Variants in GFRA3 observed in about 807,000 individuals in gnomAD.
GFRA3 encodes GDNF family receptor alpha-3.
GFRA3 carries 24 observed loss-of-function variants against 40.0 expected under a neutral mutation model. The ratio of observed to expected loss-of-function variants is 0.60; its 90% CI spans 0.43 to 0.84. The LOEUF (loss-of-function observed/expected upper bound fraction) is 0.84. GFRA3 is among the 40% of genes least tolerant of loss of function. The pLI is 0.00. For missense variants in GFRA3, 405 were observed against 530.6 expected (o/e 0.76, Z 2.33); for synonymous variants, 203 against 213.5 (o/e 0.95, Z 0.43).
At position 138,257,717 on chromosome 5, in the gene GFRA3, G is replaced by A. The variant is rs751618738; in HGVS notation, c.707C>T (p.Ala236Val). The A allele has an allele frequency of 1.3e-5, 21 of 1,610,530 alleles. No homozygotes were observed. The highest frequency in any genetic ancestry group is 1.7e-5 in the Admixed American group (1 of 59,284). ...CACAGGCGGCAGCGCGCAGTTGGGG[G>A]CGATGGTGTTGCGCCGGCGCTCCCC... ...GCGERRRNTI[A>V]PNCALPPVAP... The change falls in exon 4 of 8, where the codon GCC becomes GTC. Residue 236 changes from alanine to valine, a missense_variant. Physicochemically the swap from Ala to Val is moderately conservative, Grantham distance 64 (BLOSUM62 0). Transcript: ENST00000274721.
At chr5:138,261,650 C>T (rs753889431) in intron 2 of GFRA3, among the ~76,000 whole-genome samples, 4 of 143,040 alleles carry the variant, frequency 2.8e-5, no homozygotes, top group Middle Eastern at 3.6e-3. Flanking sequence ...GCCAATATCA[C>T]GCCACTGCAC....
At chr5:138,253,194 C>G in intron 7 of GFRA3, 93 bp downstream of exon 7, 1 of 906,224 alleles carries the variant, frequency 1.1e-6, no homozygotes, top group Non-Finnish European at 1.8e-6. Context: ...ATGAGGAGGT[C>G]AGCCCCTCGC....
chr5:138,258,394 C>T (rs2126613472), intron 3 of GFRA3, among the ~76,000 whole-genome samples: 1 of 152,062 alleles, frequency 6.6e-6, no homozygotes, highest in South Asian at 2.1e-4. Flanking sequence ...GTTAGCCAGG[C>T]TGGTCTTGAA....
intron 2 of GFRA3, among the ~76,000 whole-genome samples, chr5:138,262,382 C>T (rs946072177): frequency 2.6e-5 from 4 of 152,120 alleles, no homozygotes; most frequent in Non-Finnish European, 5.9e-5. Flanking sequence ...GGAAGAGGAC[C>T]CTTACAACAT....
At chr5:138,264,034 T>A (rs757233698) in intron 2 of GFRA3, among the ~76,000 whole-genome samples, 3 of 152,120 alleles carry the variant, frequency 2.0e-5, no homozygotes, top group African/African-American at 7.2e-5. Context: ...AAGTGGGAAC[T>A]GACATGTTGC....
At chr5:138,268,321 T>TAAAAAAAAAAAA (rs1554110910) in intron 1 of GFRA3, among the ~76,000 whole-genome samples, 1 of 80,660 alleles carries the variant, frequency 1.2e-5, no homozygotes. Flanking sequence ...GAACTGAAAC[T>TAAAAAAAAAAAA]ATAAAAATTA....
At chr5:138,265,450 T>C (rs974270557) in intron 1 of GFRA3, among the ~76,000 whole-genome samples, 1 of 152,152 alleles carries the variant, frequency 6.6e-6, no homozygotes, top group East Asian at 1.9e-4. Flanking sequence ...ACTCCTGACC[T>C]CGGGTAATCC....
At chr5:138,257,984 G>A (rs759306576) in intron 3 of GFRA3, 33 bp from the exon 4 acceptor site, 1 of 1,585,190 alleles carries the variant, frequency 6.3e-7, no homozygotes, top group Non-Finnish European at 8.7e-7. Flanking sequence ...CAGTCGGCTG[G>A]GCCCTCTGCA....
At position 138,257,832 on chromosome 5, in the gene GFRA3, T is replaced by C; in HGVS notation, c.592A>G (p.Arg198Gly). 1 of 1,613,798 alleles carries C rather than the reference T, an allele frequency of 6.2e-7. No individual in the cohort carries two copies. Among genetic ancestry groups the C allele is most frequent in the Non-Finnish European group, 8.5e-7 (1 of 1,179,884 alleles). ...TTCTCGAAGAAAGTGAGCAGCTGCC[T>C]GAGGCAGACGTGGCGCTGGCAGTGG... The part of the protein sequence containing the change: ...GPHCQRHVCL[R>G]QLLTFFEKAA... Residue 198 changes from arginine (R) to glycine (G), a missense_variant, in exon 4 of 8, where the codon AGG becomes GGG. Coordinates refer to ENST00000274721, the MANE Select transcript of GFRA3 (RefSeq NM_001496.4).
intron 3 of GFRA3, among the ~76,000 whole-genome samples, 192 bp downstream of exon 3, chr5:138,259,365 C>T (rs774554471): frequency 1.3e-5 from 2 of 152,198 alleles, no homozygotes; most frequent in Non-Finnish European, 2.9e-5. Flanking sequence ...TAACTGCTGT[C>T]CTTTGGAGAC....
Position 138,252,937 on chromosome 5 carries a change from T to C in GFRA3, c.*31A>G. On this transcript the variant is annotated 3_prime_UTR_variant, in exon 8 of 8. Coordinates refer to ENST00000274721, the MANE Select transcript of GFRA3 (RefSeq NM_001496.4). ...GGGCTGCAAGTCCACCTGGGTGTGG[T>C]GGAGGGGAAGAGGGCCCTGGGGAAG... The C allele has an allele frequency of 8.2e-7, 1 of 1,212,578 alleles. No individual in the cohort carries two copies. Among genetic ancestry groups the C allele is most frequent in the South Asian group, 1.2e-5 (1 of 82,204 alleles). The allele number at this position is 1,212,578 out of a possible 1,614,324, so 75.1% of individuals were successfully genotyped here. A position where few individuals can be genotyped will look rare whatever the true frequency, so the allele number is the denominator to read the frequency against.
chr5:138,271,901 T>TGTGTGTGTGTGTGTG (rs1435516404), intron 1 of GFRA3, among the ~76,000 whole-genome samples: 1 of 97,382 alleles, frequency 1.0e-5, no homozygotes, highest in Non-Finnish European at 2.2e-5. Flanking sequence ...TGTTTTTTTT[T>TGTGTGTGTGTGTGTG]TTTTTTTTTT....
intron 2 of GFRA3, among the ~76,000 whole-genome samples, chr5:138,261,693 C>CAAA (rs70979598): frequency 0.021 from 958 of 44,618 alleles, 26 homozygotes; most frequent in East Asian, 0.071. Flanking sequence ...GACTCTGTCT[C>CAAA]AAAAAAAAAA....
chr5:138,257,559 C>T, intron 4 of GFRA3, 80 bp downstream of exon 4: 1 of 1,281,620 alleles, frequency 7.8e-7, no homozygotes, highest in Non-Finnish European at 1.1e-6. Flanking sequence ...AGGGTCAGAC[C>T]CTGCTCAGCA....
In GFRA3 at chr5:138,253,011, A is replaced by C. The variant is rs1182001756; in HGVS notation, c.1160T>G (p.Phe387Cys). ...CAGAATCAAGGGAAGCGTGCAGGAG[A>C]AAAGAGAGGGCACCCAGGGCTGTGG... The part of the protein sequence containing the change: ...VRPQPWVPSL[F>C]SCTLPLILLL... The change falls in exon 8 of 8, where the codon TTC becomes TGC. Residue 387 changes from phenylalanine to cysteine, a missense_variant. Coordinates refer to ENST00000274721, the MANE Select transcript of GFRA3 (RefSeq NM_001496.4). 3.1e-6 allele frequency: 5 copies of C among 1,610,270 alleles called. No individual in the cohort carries two copies.
At chr5:138,258,929 C>T (rs971297902) in intron 3 of GFRA3, among the ~76,000 whole-genome samples, 7 of 152,226 alleles carry the variant, frequency 4.6e-5, no homozygotes, top group Non-Finnish European at 1.0e-4. Context: ...TAGAGTTTTT[C>T]ATGCATGAAA....
chr5:138,261,592 G>T (rs1442003344), intron 2 of GFRA3, among the ~76,000 whole-genome samples: 1 of 150,792 alleles, frequency 6.6e-6, no homozygotes, highest in East Asian at 2.0e-4. Flanking sequence ...TACTCAGGAG[G>T]CTGAGGCAGG....
At chr5:138,263,863 C>A (rs1450027515) in intron 2 of GFRA3, among the ~76,000 whole-genome samples, 1 of 152,182 alleles carries the variant, frequency 6.6e-6, no homozygotes, top group Non-Finnish European at 1.5e-5. Flanking sequence ...AATGAGTATT[C>A]TTTCTGTTAA....
intron 1 of GFRA3, among the ~76,000 whole-genome samples, chr5:138,270,791 T>C (rs1439228332): frequency 6.6e-6 from 1 of 151,516 alleles, no homozygotes; most frequent in Non-Finnish European, 1.5e-5. Context: ...ATGTACAAGA[T>C]GAAAAAAAAA....
Sources: gnomAD v4.1 joint callset for allele counts (sites outside exome capture counted in the v4.1 genomes callset) on GRCh38, gnomAD v4.1.1 for gene constraint, MANE v1.5 for transcripts, NCBI Gene and HGNC (gene_info 2026-07-23, HGNC 2026-07-21) for gene names.